MYH15: variants seen among roughly 807,000 people sequenced by gnomAD.
MYH15 encodes the protein myosin-15.
Under a neutral mutation model 240.5 loss-of-function variants are expected in MYH15, and 227 were observed. The ratio of observed to expected loss-of-function variants is 0.94; its 90% CI spans 0.85 to 1.05. The LOEUF is 1.05. Among genes scored for constraint, MYH15 ranks in the 50% least tolerant of loss-of-function variants. The pLI is 0.00. For synonymous variants in MYH15, 785 were observed against 796.7 expected, an observed-to-expected ratio of 0.99 and a Z score of 0.25; for missense variants, 2,217 against 2,247.5, an observed-to-expected ratio of 0.99 and a Z score of 0.27.
At chr3:108,501,168 G>A (rs1305275733) in intron 3 of MYH15, among the ~76,000 whole-genome samples, 1 of 152,172 alleles carries the variant, frequency 6.6e-6, no homozygotes, top group Non-Finnish European at 1.5e-5. Flanking sequence ...TGGCTCCTAT[G>A]GCCATGGGTC....
chr3:108,403,839 C>T (rs1008436576), intron 33 of MYH15, among the ~76,000 whole-genome samples: 18 of 152,000 alleles, frequency 1.2e-4, no homozygotes, highest in African/African-American at 3.4e-4. Flanking sequence ...GGCTTTTTTT[C>T]GCACTAAGAT....
Position 108,416,887 on chromosome 3 carries a change from G to A in MYH15, c.3873C>T (p.Asn1291=), listed in dbSNP as rs1358902482. The A allele has an allele frequency of 1.2e-6, 2 of 1,613,862 alleles. No individual in the cohort carries two copies. The highest frequency in any genetic ancestry group is 1.3e-5 in the African/African-American group (1 of 74,870). Residue 1291 remains asparagine, a synonymous_variant, in exon 29 of 41, where the codon AAC becomes AAT. Transcript: ENST00000693548. ...RRLEEKEALI[N]QLSREKSNFT... ...AGTTGCTCTTTTCCCTGGAAAGTTG[G>A]TTTATCAGAGCCTCCTTCTCTTCAA...
At chr3:108,408,699 G>T (rs1284594172) in intron 31 of MYH15, among the ~76,000 whole-genome samples, 1 of 152,196 alleles carries the variant, frequency 6.6e-6, no homozygotes, top group South Asian at 2.1e-4. Context: ...CTGCTCATTA[G>T]AGCCATTCCA....
intron 9 of MYH15, among the ~76,000 whole-genome samples, chr3:108,487,996 G>T (rs2083318822): frequency 6.6e-6 from 1 of 151,636 alleles, no homozygotes; most frequent in African/African-American, 2.4e-5. Flanking sequence ...TGTACAACAT[G>T]ATGTTTTGAT....
chr3:108,463,321 C>CT (rs373219290), intron 15 of MYH15, 78 bp from the exon 16 acceptor site: 59,093 of 1,073,076 alleles, frequency 0.055, 11 homozygotes, highest in East Asian at 0.058. Flanking sequence ...TGCATTACCC[C>CT]TTTTTTTTTT....
intron 27 of MYH15, among the ~76,000 whole-genome samples, chr3:108,426,395 A>T (rs1373209156): frequency 6.6e-6 from 1 of 152,070 alleles, no homozygotes; most frequent in African/African-American, 2.4e-5. Context: ...ACGTGATTTC[A>T]AGAGAGGATT....
Position 108,456,854 on chromosome 3 carries a change from G to T in MYH15, c.2050C>A (p.Gln684Lys), listed in dbSNP as rs764483316. The change falls in exon 19 of 41, where the codon CAG (glutamine) becomes AAG (lysine). Residue 684 changes from glutamine (Q) to lysine (K), a missense_variant. Transcript: ENST00000693548. Reference sequence around the variant, plus strand: ...TCCAAGACACCATTACAGCGCAACTGCTGTAGAACCAAGTAAGGGTCCAGT... The same window carrying T: ...TCCAAGACACCATTACAGCGCAACTTCTGTAGAACCAAGTAAGGGTCCAGT... ...GILDPYLVLQ[Q>K]LRCNGVLEGT... 1 of 1,613,264 alleles carries T rather than the reference G, an allele frequency of 6.2e-7. No individual in the cohort carries two copies. Among genetic ancestry groups the T allele is most frequent in the South Asian group, 1.1e-5 (1 of 90,982 alleles).
intron 33 of MYH15, among the ~76,000 whole-genome samples, chr3:108,401,493 C>G (rs868176671): frequency 2.0e-4 from 30 of 152,364 alleles, no homozygotes; most frequent in Middle Eastern, 3.4e-3. Context: ...AGCCACCCAT[C>G]TGTGCATTTT....
At chr3:108,520,266 C>A (rs1204429943) in intron 1 of MYH15, among the ~76,000 whole-genome samples, 1 of 152,168 alleles carries the variant, frequency 6.6e-6, no homozygotes, top group Non-Finnish European at 1.5e-5. Flanking sequence ...TATGAATACA[C>A]CATCTTTTTC....
chr3:108,416,708 CCTT>C (rs1055931803), intron 29 of MYH15, 101 bp downstream of exon 29: 6 of 970,248 alleles, frequency 6.2e-6, no homozygotes, highest in Non-Finnish European at 9.5e-6. Flanking sequence ...GGGCATTTTC[CCTT>C]CTTCTTTTAC....
intron 25 of MYH15, among the ~76,000 whole-genome samples, chr3:108,434,236 G>T (rs1312951459): frequency 6.9e-6 from 1 of 144,166 alleles, no homozygotes; most frequent in Admixed American, 7.1e-5. Flanking sequence ...AGGCTGGAGT[G>T]CAATGGTGTG....
At chr3:108,466,335 T>A (rs1021820706) in intron 14 of MYH15, among the ~76,000 whole-genome samples, 4 of 152,222 alleles carry the variant, frequency 2.6e-5, no homozygotes, top group Non-Finnish European at 5.9e-5. Context: ...TTTACTTTTA[T>A]TAGACTTACA....
intron 2 of MYH15, among the ~76,000 whole-genome samples, chr3:108,504,541 C>T (rs1424980811): frequency 6.6e-6 from 1 of 152,136 alleles, no homozygotes; most frequent in East Asian, 1.9e-4. Flanking sequence ...AAAAGACAAA[C>T]TTTCTCGATA....
At chr3:108,414,122 T>C in intron 30 of MYH15, 110 bp downstream of exon 30, 1 of 1,199,200 alleles carries the variant, frequency 8.3e-7, no homozygotes, top group Non-Finnish European at 1.2e-6. Context: ...GTTCCTGCAC[T>C]CGGCAAGGAT....
intron 1 of MYH15, chr3:108,529,125 T>C: frequency 8.3e-6 from 6 of 718,644 alleles, no homozygotes; most frequent in Middle Eastern, 2.8e-4. Context: ...AATTACATCA[T>C]AGCCTATTTT....
chr3:108,535,398 T>TG, the MYH15 span, among the ~76,000 whole-genome samples: 340 of 152,160 alleles, frequency 2.2e-3, no homozygotes, highest in Admixed American at 4.9e-3. Flanking sequence ...CCTCATGTGG[T>TG]GGGGGGGCAT....
At chr3:108,429,279 T>C (rs1238340713) in intron 26 of MYH15, among the ~76,000 whole-genome samples, 1 of 152,218 alleles carries the variant, frequency 6.6e-6, no homozygotes, top group African/African-American at 2.4e-5. Flanking sequence ...ATCTCAACTA[T>C]CTAGGACTTG....
intron 21 of MYH15, among the ~76,000 whole-genome samples, chr3:108,450,851 GA>G (rs916640055): frequency 6.0e-5 from 9 of 150,836 alleles, no homozygotes; most frequent in East Asian, 5.8e-4. Context: ...TTAGAAAAAG[GA>G]AAAAAATAAA....
At chr3:108,467,943 A>AT (rs1271984310) in intron 14 of MYH15, among the ~76,000 whole-genome samples, 1 of 151,562 alleles carries the variant, frequency 6.6e-6, no homozygotes, top group Admixed American at 6.6e-5. Flanking sequence ...GTTAGAATAC[A>AT]TTTTTTACTT....
Sources: gnomAD v4.1 joint callset for allele counts (sites outside exome capture counted in the v4.1 genomes callset) on GRCh38, gnomAD v4.1.1 for gene constraint, MANE v1.5 for transcripts, NCBI Gene and HGNC (gene_info 2026-07-23, HGNC 2026-07-21) for gene names.